The following INPP4B variants were observed in gnomAD, a reference collection of about 807,000 sequenced individuals.
INPP4B encodes inositol polyphosphate-4-phosphatase type II B.
Under a neutral mutation model 122.5 loss-of-function variants are expected in INPP4B, and 55 were observed. The observed-to-expected ratio is 0.45, with a 90% CI of 0.36 to 0.56. The LOEUF (loss-of-function observed/expected upper bound fraction) is 0.56. INPP4B is among the 20% of genes least tolerant of loss of function. The pLI is 0.00. For missense variants in INPP4B, 1,000 were observed against 1,097.7 expected, an observed-to-expected ratio of 0.91 and a Z score of 1.26; for synonymous variants, 403 against 388.7, an observed-to-expected ratio of 1.04 and a Z score of -0.43.
intron 25 of INPP4B, among the ~76,000 whole-genome samples, chr4:142,077,892 T>G (rs1578824262): frequency 6.6e-6 from 1 of 152,038 alleles, no homozygotes; most frequent in East Asian, 1.9e-4. Flanking sequence ...TAGACTTTAG[T>G]CAAGTGGTTC....
chr4:142,688,951 G>A (rs934791120), intron 2 of INPP4B, among the ~76,000 whole-genome samples: 10 of 152,118 alleles, frequency 6.6e-5, no homozygotes, highest in Non-Finnish European at 1.3e-4. Flanking sequence ...GAACTGACTC[G>A]GCACAAGAAG....
intron 2 of INPP4B, among the ~76,000 whole-genome samples, chr4:142,629,798 C>T (rs889255544): frequency 6.6e-6 from 1 of 151,958 alleles, no homozygotes; most frequent in Non-Finnish European, 1.5e-5. Context: ...TTATTCTTGC[C>T]CTCTGCCCAA....
chr4:142,155,514 T>C (rs144484799), intron 17 of INPP4B, among the ~76,000 whole-genome samples: 39 of 152,266 alleles, frequency 2.6e-4, no homozygotes, highest in African/African-American at 7.5e-4. Context: ...TATGGTAGTA[T>C]AAATAGCTCT....
intron 2 of INPP4B, among the ~76,000 whole-genome samples, chr4:142,631,305 T>A (rs1348083957): frequency 6.6e-6 from 1 of 151,992 alleles, no homozygotes; most frequent in Non-Finnish European, 1.5e-5. Context: ...AATTAAACAC[T>A]CAATAGATGG....
At chr4:142,788,613 A>G (rs1222305000) in intron 1 of INPP4B, among the ~76,000 whole-genome samples, 2 of 151,552 alleles carry the variant, frequency 1.3e-5, no homozygotes, top group Admixed American at 1.3e-4. Context: ...TTTATCCCCC[A>G]CCCCTGCCTG....
chr4:142,252,814 T>C (rs1398026884), intron 11 of INPP4B, among the ~76,000 whole-genome samples: 1 of 152,230 alleles, frequency 6.6e-6, no homozygotes, highest in Non-Finnish European at 1.5e-5. Flanking sequence ...TGTCTTCTAG[T>C]GTTTCTTGTT....
intron 2 of INPP4B, among the ~76,000 whole-genome samples, chr4:142,498,831 AAAAT>A (rs1160343329): frequency 1.3e-5 from 2 of 152,264 alleles, no homozygotes; most frequent in South Asian, 4.1e-4. Flanking sequence ...CTGGCAATTA[AAAAT>A]AAATAATTAA....
At chr4:142,153,009 T>C (rs748605116) in intron 17 of INPP4B, among the ~76,000 whole-genome samples, 3 of 152,220 alleles carry the variant, frequency 2.0e-5, no homozygotes, top group Non-Finnish European at 4.4e-5. Context: ...ATTACATGCA[T>C]CTTCAAATTG....
intron 2 of INPP4B, among the ~76,000 whole-genome samples, chr4:142,629,095 T>C (rs1425856860): frequency 2.6e-5 from 4 of 152,054 alleles, no homozygotes. Context: ...GGACTAAGGA[T>C]GTAAACAAAA....
intron 18 of INPP4B, among the ~76,000 whole-genome samples, chr4:142,143,547 TA>T (rs1199884902): frequency 2.0e-5 from 3 of 152,170 alleles, no homozygotes; most frequent in African/African-American, 7.2e-5. Context: ...GTGAACCCCA[TA>T]AAAATGTACA....
intron 25 of INPP4B, among the ~76,000 whole-genome samples, chr4:142,060,502 G>A (rs1396926630): frequency 1.3e-5 from 2 of 152,276 alleles, no homozygotes; most frequent in African/African-American, 4.8e-5. Flanking sequence ...TATGGATCCA[G>A]GAATAAAGAA....
chr4:142,136,926 G>T lies in INPP4B; in HGVS notation c.1720+8914C>A, dbSNP rs147105030. Among the ~76,000 whole-genome samples the T allele has an allele frequency of 4.2e-4, 64 of 152,234 alleles. No homozygotes were observed. In the East Asian group the frequency reaches 0.012, roughly 28 times the overall value. ...AAGAACATTCCATACTCATGGGCAG[G>T]AAGAATCAATATCGTGAAAATGGCC... On this transcript the variant is annotated intron_variant, in intron 18 of 25. Transcript: ENST00000262992.
chr4:142,763,915 T>C (rs932881851), intron 1 of INPP4B, among the ~76,000 whole-genome samples: 2 of 152,058 alleles, frequency 1.3e-5, no homozygotes, highest in African/African-American at 4.8e-5. Flanking sequence ...AGAAAGGAAA[T>C]TCTATAGAAA....
At chr4:142,276,975 C>T (rs1384580900) in intron 9 of INPP4B, among the ~76,000 whole-genome samples, 1 of 151,854 alleles carries the variant, frequency 6.6e-6, no homozygotes, top group Non-Finnish European at 1.5e-5. Context: ...TGGCATCTTG[C>T]AAATGTCGTC....
intron 7 of INPP4B, chr4:142,383,811 G>A (rs1285002250): frequency 5.0e-6 from 2 of 398,126 alleles, no homozygotes; most frequent in Non-Finnish European, 8.9e-6. Context: ...GATTGAGAAG[G>A]GGGATATAGA....
At chr4:142,837,134 T>G (rs1005488165) in intron 1 of INPP4B, among the ~76,000 whole-genome samples, 2 of 150,070 alleles carry the variant, frequency 1.3e-5, no homozygotes, top group Non-Finnish European at 2.9e-5. Context: ...CCAGCCTGGA[T>G]GACAAGAGGG....
chr4:142,506,643 G>A (rs1217395208), intron 2 of INPP4B, among the ~76,000 whole-genome samples: 2 of 152,146 alleles, frequency 1.3e-5, no homozygotes, highest in Non-Finnish European at 2.9e-5. Context: ...GCGAAGTGGA[G>A]GAAGAGTGAA....
chr4:142,355,305 C>T (rs1351921007), intron 7 of INPP4B, among the ~76,000 whole-genome samples: 2 of 152,008 alleles, frequency 1.3e-5, no homozygotes, highest in African/African-American at 4.8e-5. Context: ...CGTATTTAAT[C>T]TAACACATCC....
intron 2 of INPP4B, among the ~76,000 whole-genome samples, chr4:142,463,844 C>T (rs1433509354): frequency 6.6e-6 from 1 of 152,162 alleles, no homozygotes; most frequent in Non-Finnish European, 1.5e-5. Context: ...TTGTAAGTTT[C>T]CTGAGGCCTC....
Sources: allele counts gnomAD v4.1 joint callset (sites outside exome capture counted in the v4.1 genomes callset), GRCh38; gene constraint gnomAD v4.1.1; transcripts MANE v1.5; gene names NCBI Gene and HGNC (gene_info 2026-07-23, HGNC 2026-07-21).